Variants in RNF150 observed in about 807,000 individuals in gnomAD.
RNF150 encodes the protein ring finger protein 150.
In RNF150, 24 loss-of-function variants were observed where a neutral mutation model predicts 39.3. The observed-to-expected ratio is 0.61, with a 90% CI of 0.44 to 0.86. The LOEUF (loss-of-function observed/expected upper bound fraction) is 0.86, where lower values mean the gene tolerates loss of function less well. Among genes scored for constraint, RNF150 ranks in the 40% least tolerant of loss-of-function variants. The pLI is 0.00. For synonymous variants in RNF150, 255 were observed against 227.3 expected, an observed-to-expected ratio of 1.12 and a Z score of -1.10; for missense variants, 502 against 587.8, an observed-to-expected ratio of 0.85 and a Z score of 1.51.
At chr4:141,104,149 G>T (rs1319858469) in intron 1 of RNF150, among the ~76,000 whole-genome samples, 1 of 152,076 alleles carries the variant, frequency 6.6e-6, no homozygotes, top group African/African-American at 2.4e-5. Flanking sequence ...TCGCCTCATT[G>T]GCTCACCCCA....
chr4:140,959,988 T>C (rs752985480), intron 2 of RNF150, among the ~76,000 whole-genome samples: 7 of 152,140 alleles, frequency 4.6e-5, no homozygotes, highest in Non-Finnish European at 1.0e-4. Context: ...TCCCCCACAT[T>C]GGTACCCCCA....
intron 1 of RNF150, among the ~76,000 whole-genome samples, chr4:141,040,178 C>A (rs1736304037): frequency 6.6e-6 from 1 of 151,856 alleles, no homozygotes; most frequent in African/African-American, 2.4e-5. Flanking sequence ...CACACACACA[C>A]ACACACATGT....
chr4:141,186,229 A>G (rs1728006834), intron 1 of RNF150, among the ~76,000 whole-genome samples: 1 of 152,158 alleles, frequency 6.6e-6, no homozygotes, highest in Non-Finnish European at 1.5e-5. Flanking sequence ...GGTGTATTCA[A>G]GGACTCGACT....
At chr4:140,964,564 C>T (rs941369097) in intron 2 of RNF150, among the ~76,000 whole-genome samples, 1 of 151,870 alleles carries the variant, frequency 6.6e-6, no homozygotes, top group Non-Finnish European at 1.5e-5. Flanking sequence ...CTAGAACTAA[C>T]TGAAGAAAAG....
In RNF150 at chr4:140,933,704, T is replaced by C. The variant is rs534130198; in HGVS notation, c.891-7631A>G. Among the ~76,000 whole-genome samples the C allele has an allele frequency of 1.0e-3, 158 of 152,348 alleles. 1 individual carries two copies. Among genetic ancestry groups the C allele is most frequent in the African/African-American group, 3.5e-3 (147 of 41,586 alleles). On this transcript the variant is annotated intron_variant, in intron 4 of 6. Transcript: ENST00000515673. ...GAGGTATGAATGGTGAAGAAAATAA[T>C]GGACGGGAGCCATGCTTTTCCCTGT...
chr4:140,997,690 G>GTGTGTGTATATATACACACACATATA (rs1385925007), intron 1 of RNF150, among the ~76,000 whole-genome samples: 22 of 139,670 alleles, frequency 1.6e-4, no homozygotes, highest in Admixed American at 3.6e-4. Context: ...ACTCCAGCCT[G>GTGTGTGTATATATACACACACATATA]TGTGTGTATA....
intron 6 of RNF150, among the ~76,000 whole-genome samples, chr4:140,883,460 T>C (rs1729449508): frequency 6.6e-6 from 1 of 152,226 alleles, no homozygotes; most frequent in African/African-American, 2.4e-5. Context: ...GTAAGGCAGG[T>C]CTAGTGATGA....
At chr4:140,996,894 A>C (rs116592906) in intron 1 of RNF150, 3,408 of 152,392 alleles carry the variant, frequency 0.022, 54 homozygotes, top group Non-Finnish European at 0.031. Context: ...AGCTGGAAGT[A>C]ATGAGGCAGA....
intron 1 of RNF150, among the ~76,000 whole-genome samples, chr4:141,199,241 G>T (rs189362797): frequency 6.6e-6 from 1 of 152,100 alleles, no homozygotes; most frequent in African/African-American, 2.4e-5. Flanking sequence ...TGGATATAGC[G>T]CAATTAGAAC....
chr4:141,203,076 TACACAC>T (rs1553954894), intron 1 of RNF150, among the ~76,000 whole-genome samples: 5 of 132,958 alleles, frequency 3.8e-5, no homozygotes, highest in Admixed American at 2.2e-4. Context: ...TATATATATA[TACACAC>T]ATATATGAGA....
At chr4:141,128,423 G>A (rs1726806514) in intron 1 of RNF150, among the ~76,000 whole-genome samples, 1 of 152,108 alleles carries the variant, frequency 6.6e-6, no homozygotes, top group African/African-American at 2.4e-5. Flanking sequence ...GGCTCTAGAG[G>A]CTACACTCCT....
chr4:140,891,394 C>T (rs768484491), intron 6 of RNF150, among the ~76,000 whole-genome samples: 2 of 152,100 alleles, frequency 1.3e-5, no homozygotes, highest in Non-Finnish European at 2.9e-5. Flanking sequence ...CACGGTGCTC[C>T]ATGAAGTCAT....
intron 2 of RNF150, among the ~76,000 whole-genome samples, chr4:140,953,524 T>G (rs1391774674): frequency 0.041 from 4 of 98 alleles, no homozygotes; most frequent in Non-Finnish European, 0.12. Context: ...AATAAAAGAT[T>G]TTTTTTTTTT....
At chr4:140,939,330 A>C (rs1372117939) in intron 4 of RNF150, among the ~76,000 whole-genome samples, 1 of 152,206 alleles carries the variant, frequency 6.6e-6, no homozygotes, top group Admixed American at 6.5e-5. Flanking sequence ...GTAAAAGTAT[A>C]GCCTTACATT....
chr4:140,899,691 T>A (rs1219224846), intron 6 of RNF150, among the ~76,000 whole-genome samples: 1 of 152,136 alleles, frequency 6.6e-6, no homozygotes, highest in Non-Finnish European at 1.5e-5. Context: ...CCTTGCACAC[T>A]CAGAATTATC....
At chr4:140,952,172 G>A (rs755446780) in intron 2 of RNF150, among the ~76,000 whole-genome samples, 4 of 151,854 alleles carry the variant, frequency 2.6e-5, no homozygotes, top group Non-Finnish European at 4.4e-5. Context: ...CACCACGCCT[G>A]GCTGATTTTT....
chr4:141,126,777 T>G (rs1202931307), intron 1 of RNF150, among the ~76,000 whole-genome samples: 2 of 152,202 alleles, frequency 1.3e-5, no homozygotes, highest in African/African-American at 4.8e-5. Flanking sequence ...GAATAAATTT[T>G]AGAGCTGAAA....
At position 140,899,944 on chromosome 4, in the gene RNF150, T is replaced by TTCTCTCTCTCTCTCTCTCTCTC. The variant is rs60297205; in HGVS notation, c.1198+11178_1198+11199dup. ...ATCCTAGTAGGTTCTCTCTCTCACT[T>TTCTCTCTCTCTCTCTCTCTCTC]TCTCTCTCTCTCTCTCTCTCTCTCT... is the stretch of plus-strand genomic sequence containing the variant. On this transcript the variant is annotated intron_variant, in intron 6 of 6. Transcript: ENST00000515673. 8.9e-3 allele frequency among the ~76,000 whole-genome samples: 975 copies of TTCTCTCTCTCTCTCTCTCTCTC among 109,840 alleles called. 35 individuals are homozygous for TTCTCTCTCTCTCTCTCTCTCTC. The highest frequency in any genetic ancestry group is 0.012 in the Non-Finnish European group (653 of 56,106). The allele number at this position is 109,840 out of a possible 152,430, so 72.1% of individuals were successfully genotyped here.
chr4:140,912,646 C>T (rs1730650210), intron 5 of RNF150, among the ~76,000 whole-genome samples: 3 of 152,208 alleles, frequency 2.0e-5, no homozygotes, highest in Admixed American at 2.0e-4. Flanking sequence ...GAGCTCCACA[C>T]CTGTGTCCTA....
Sources: gnomAD v4.1 joint callset for allele counts (sites outside exome capture counted in the v4.1 genomes callset) on GRCh38, gnomAD v4.1.1 for gene constraint, MANE v1.5 for transcripts, NCBI Gene and HGNC (gene_info 2026-07-23, HGNC 2026-07-21) for gene names.